Variants in SLC44A5 observed in about 807,000 individuals in gnomAD.
SLC44A5 encodes solute carrier family 44 member 5.
A neutral mutation model predicts 101.8 loss-of-function variants in SLC44A5; 57 were observed. That is an observed-to-expected ratio of 0.56 (90% CI 0.45 to 0.70). The LOEUF (loss-of-function observed/expected upper bound fraction) is 0.70. Ranked by LOEUF, SLC44A5 falls within the 30% of genes least tolerant of loss-of-function variation. The pLI is 0.00. For synonymous variants in SLC44A5, 281 were observed against 290.9 expected, an observed-to-expected ratio of 0.97 and a Z score of 0.35; for missense variants, 737 against 853.1, an observed-to-expected ratio of 0.86 and a Z score of 1.70.
chr1:75,455,292 T>A (rs915656834), intron 2 of SLC44A5, among the ~76,000 whole-genome samples: 5 of 152,296 alleles, frequency 3.3e-5, no homozygotes, highest in Admixed American at 2.0e-4. Context: ...TATATGGTGC[T>A]GGGATAGCTG....
At chr1:75,405,094 CAAAG>C (rs1662757963) in intron 2 of SLC44A5, among the ~76,000 whole-genome samples, 1 of 152,126 alleles carries the variant, frequency 6.6e-6, no homozygotes, top group Admixed American at 6.5e-5. Flanking sequence ...ATAGAAGAGA[CAAAG>C]AAGGGCATTA....
the SLC44A5 span, among the ~76,000 whole-genome samples, chr1:75,637,222 G>A: frequency 2.6e-5 from 4 of 151,952 alleles, no homozygotes; most frequent in African/African-American, 9.7e-5. Context: ...AATGTTCATT[G>A]CAGCACTATT....
chr1:75,416,901 C>A (rs992411428), intron 2 of SLC44A5, among the ~76,000 whole-genome samples: 3 of 152,180 alleles, frequency 2.0e-5, no homozygotes, highest in Non-Finnish European at 4.4e-5. Flanking sequence ...CCCATTGTAT[C>A]TAGGAAGTAA....
the SLC44A5 span, chr1:75,641,456 A>G: frequency 1.5e-6 from 2 of 1,369,024 alleles, no homozygotes; most frequent in African/African-American, 1.4e-5. Context: ...CTTTCTAAAG[A>G]GTCTTTGACT....
chr1:75,405,799 A>G (rs561609158), intron 2 of SLC44A5, among the ~76,000 whole-genome samples: 11 of 142,030 alleles, frequency 7.7e-5, no homozygotes, highest in African/African-American at 2.4e-4. Context: ...TAAACGAACT[A>G]GAGAAGCAAG....
the SLC44A5 span, among the ~76,000 whole-genome samples, chr1:75,686,794 G>A: frequency 6.6e-6 from 1 of 152,216 alleles, no homozygotes; most frequent in Non-Finnish European, 1.5e-5. Context: ...ACTGTGGATA[G>A]CTACCATGTG....
intron 2 of SLC44A5, among the ~76,000 whole-genome samples, chr1:75,456,509 G>GA (rs746347798): frequency 6.6e-6 from 1 of 152,006 alleles, no homozygotes; most frequent in Non-Finnish European, 1.5e-5. Flanking sequence ...AATAAAAGTT[G>GA]AAAAAATAAG....
rs751261441 is a variant in SLC44A5 at position 75,212,681 on chromosome 1, G to A, written c.1962+1024C>T. Among the ~76,000 whole-genome samples, 12 of 152,178 alleles carry A rather than the reference G, an allele frequency of 7.9e-5. No homozygotes were observed. The South Asian group carries it at 1.0e-3, about 13-fold the overall frequency. On this transcript the variant is annotated intron_variant, in intron 22 of 23. Transcript: ENST00000370859. ...TATCTTGTACCCAAGGCAATAAAGCGTTAGGCATTAAGAGCACATACTGCC... is the reference window on the plus strand; with the variant it reads ...TATCTTGTACCCAAGGCAATAAAGCATTAGGCATTAAGAGCACATACTGCC...
At chr1:75,283,149 A>T (rs1652751692) in intron 5 of SLC44A5, among the ~76,000 whole-genome samples, 1 of 136,386 alleles carries the variant, frequency 7.3e-6, no homozygotes, top group African/African-American at 2.8e-5. Context: ...CCTTTTCATC[A>T]CATCTACATC....
chr1:75,717,188 A>T, the SLC44A5 span, among the ~76,000 whole-genome samples: 1 of 151,726 alleles, frequency 6.6e-6, no homozygotes, highest in Non-Finnish European at 1.5e-5. Context: ...CAGAAAACGA[A>T]ATATTGGCCC....
chr1:75,229,835 A>G (rs2100550234), intron 12 of SLC44A5, among the ~76,000 whole-genome samples: 1 of 152,316 alleles, frequency 6.6e-6, no homozygotes, highest in South Asian at 2.1e-4. Context: ...AGAATAATGT[A>G]TGACTAGATG....
intron 3 of SLC44A5, among the ~76,000 whole-genome samples, chr1:75,345,552 G>A (rs1658191364): frequency 1.3e-5 from 2 of 152,144 alleles, no homozygotes; most frequent in Non-Finnish European, 2.9e-5. Context: ...GAATTGACAC[G>A]TTGGCTACAA....
the SLC44A5 span, among the ~76,000 whole-genome samples, chr1:75,667,211 C>A: frequency 1.3e-5 from 2 of 152,178 alleles, no homozygotes; most frequent in Admixed American, 6.5e-5. Flanking sequence ...TCTCCTTAAA[C>A]TGATAAGCAA....
chr1:75,408,004 C>A (rs1384940471), intron 2 of SLC44A5, among the ~76,000 whole-genome samples: 19 of 152,096 alleles, frequency 1.2e-4, no homozygotes, highest in Admixed American at 1.2e-3. Context: ...GAAACTTACA[C>A]AAATTTAGAA....
At chr1:75,484,650 T>A (rs142523708) in intron 2 of SLC44A5, among the ~76,000 whole-genome samples, 2 of 152,242 alleles carry the variant, frequency 1.3e-5, no homozygotes, top group African/African-American at 4.8e-5. Flanking sequence ...CTAGGCAACA[T>A]TGCCCTCTGC....
chr1:75,643,059 G>C, the SLC44A5 span, among the ~76,000 whole-genome samples: 3 of 151,982 alleles, frequency 2.0e-5, no homozygotes, highest in Non-Finnish European at 4.4e-5. Context: ...TGATTTGCTA[G>C]ATTTCCTATA....
intron 2 of SLC44A5, among the ~76,000 whole-genome samples, chr1:75,426,359 T>G (rs1348482797): frequency 1.3e-5 from 2 of 152,222 alleles, no homozygotes; most frequent in Admixed American, 6.5e-5. Context: ...GAAATGGTTA[T>G]TGCTGAAATT....
intron 3 of SLC44A5, among the ~76,000 whole-genome samples, chr1:75,374,623 G>T (rs563214670): frequency 6.6e-6 from 1 of 152,174 alleles, no homozygotes; most frequent in Non-Finnish European, 1.5e-5. Context: ...ATGTGGCTAA[G>T]AGCCTATCTG....
At chr1:75,431,825 A>G (rs1485167592) in intron 2 of SLC44A5, among the ~76,000 whole-genome samples, 1 of 152,192 alleles carries the variant, frequency 6.6e-6, no homozygotes, top group Non-Finnish European at 1.5e-5. Context: ...GAAAACAGGT[A>G]ATTCAAGTAA....
Sources: gnomAD v4.1 joint callset for allele counts (sites outside exome capture counted in the v4.1 genomes callset) on GRCh38, gnomAD v4.1.1 for gene constraint, MANE v1.5 for transcripts, NCBI Gene and HGNC (gene_info 2026-07-23, HGNC 2026-07-21) for gene names.